Variants in SNRK observed in about 807,000 individuals in gnomAD.
SNRK encodes SNF-related serine/threonine-protein kinase.
SNRK carries 3 observed loss-of-function variants against 48.2 expected under a neutral mutation model. That is an observed-to-expected ratio of 0.06 (90% confidence interval 0.03 to 0.16). The LOEUF is 0.16. Among genes scored for constraint, SNRK ranks in the 10% least tolerant of loss-of-function variants. SNRK has a pLI of 1.00. For missense variants in SNRK, 627 were observed against 976.0 expected, an observed-to-expected ratio of 0.64 and a Z score of 4.76; for synonymous variants, 376 against 366.1, an observed-to-expected ratio of 1.03 and a Z score of -0.31.
chr3:43,336,650 C>T (rs2091191276), intron 4 of SNRK, among the ~76,000 whole-genome samples: 1 of 152,042 alleles, frequency 6.6e-6, no homozygotes, highest in Non-Finnish European at 1.5e-5. Flanking sequence ...TCTTTTTCCC[C>T]TCATTTGACT....
At chr3:43,342,224 A>C (rs560725830) in intron 5 of SNRK, among the ~76,000 whole-genome samples, 12 of 152,182 alleles carry the variant, frequency 7.9e-5, no homozygotes, top group African/African-American at 2.4e-4. Context: ...CCAGTTTGCC[A>C]GTTTGTTGGT....
At chr3:43,336,471 A>AT (rs1575557008) in intron 4 of SNRK, among the ~76,000 whole-genome samples, 2 of 152,080 alleles carry the variant, frequency 1.3e-5, no homozygotes, top group Admixed American at 6.5e-5. Context: ...AGCTAGGACT[A>AT]CAGGTGTGTG....
intron 3 of SNRK, among the ~76,000 whole-genome samples, chr3:43,322,253 G>T (rs2091059166): frequency 6.6e-6 from 1 of 152,212 alleles, no homozygotes; most frequent in Non-Finnish European, 1.5e-5. Flanking sequence ...GAGAAGAAAT[G>T]ATTGATTTCT....
At chr3:43,330,711 G>A (rs905113950) in intron 3 of SNRK, among the ~76,000 whole-genome samples, 37 of 152,276 alleles carry the variant, frequency 2.4e-4, no homozygotes, top group African/African-American at 8.4e-4. Context: ...GAATGGAGTG[G>A]ACTCCTGAGT....
At chr3:43,328,263 G>A (rs1179308276) in intron 3 of SNRK, among the ~76,000 whole-genome samples, 1 of 151,098 alleles carries the variant, frequency 6.6e-6, no homozygotes, top group Non-Finnish European at 1.5e-5. Context: ...TCAAGCTGAG[G>A]CTGTGGTCTA....
chr3:43,341,342 G>A (rs939368880), intron 5 of SNRK, among the ~76,000 whole-genome samples: 5 of 152,020 alleles, frequency 3.3e-5, no homozygotes, highest in African/African-American at 9.7e-5. Flanking sequence ...TAGTAGAGAC[G>A]GAGTTTCACT....
At chr3:43,286,834 G>T (rs1041109073) in intron 1 of SNRK, among the ~76,000 whole-genome samples, 159 bp downstream of exon 1, 1 of 146,042 alleles carries the variant, frequency 6.8e-6, no homozygotes, top group Admixed American at 6.8e-5. Flanking sequence ...GGCGCCGGCC[G>T]CAGCGCGCGG....
In SNRK at chr3:43,334,860, G is replaced by C. The variant is rs372031958; in HGVS notation, c.731+2550G>C. 2.7e-4 allele frequency among the ~76,000 whole-genome samples: 41 copies of C among 152,236 alleles called. 1 individual carries two copies. The South Asian group carries it at 7.3e-3, about 27-fold the overall frequency. On this transcript the variant is annotated intron_variant, in intron 4 of 6. Coordinates refer to ENST00000296088, the MANE Select transcript of SNRK (RefSeq NM_017719.5). ...GCCTGCCTCGGCCTCCCAAAGTGCTGGGATTACAGGCATGAGCCACCACGC... is the reference window on the plus strand; with the variant it reads ...GCCTGCCTCGGCCTCCCAAAGTGCTCGGATTACAGGCATGAGCCACCACGC...
At chr3:43,343,269 T>C (rs1469972081) in intron 5 of SNRK, 75 bp from the exon 6 acceptor site, 79 of 1,493,548 alleles carry the variant, frequency 5.3e-5, no homozygotes, top group Non-Finnish European at 6.7e-5. Flanking sequence ...GCTTGTACTT[T>C]TAAAAATCAA....
Position 43,347,396 on chromosome 3 carries a change from C to T in SNRK, c.1137C>T (p.Ala379=). The T allele has an allele frequency of 6.2e-7, 1 of 1,611,498 alleles. No individual in the cohort carries two copies. The highest frequency in any genetic ancestry group is 8.5e-7 in the Non-Finnish European group (1 of 1,178,692). ...VPQDLEDDLT[A]TPLSHATVPQ... is the part of the protein sequence containing the mutation. ...AGGACCTTGAGGATGACCTCACGGC[C>T]ACTCCTTTGTCCCACGCGACTGTCC... The change falls in exon 7 of 7, where the codon GCC becomes GCT. Residue 379 remains alanine, a synonymous_variant. Coordinates refer to ENST00000296088, the MANE Select transcript of SNRK (RefSeq NM_017719.5). This position sits in a 1 kb window ranked among gnomAD's most constrained non-coding sequence, Gnocchi z 5.4.
At chr3:43,287,700 C>A (rs546033161) in intron 1 of SNRK, among the ~76,000 whole-genome samples, 54 of 152,292 alleles carry the variant, frequency 3.5e-4, no homozygotes, top group Non-Finnish European at 5.9e-4. Context: ...CCACCAAGTT[C>A]CTATCAAACA....
chr3:43,338,770 T>TA (rs1275272592), intron 4 of SNRK, among the ~76,000 whole-genome samples: 5 of 152,206 alleles, frequency 3.3e-5, no homozygotes, highest in Non-Finnish European at 1.5e-5. Context: ...TGTTTTTAGT[T>TA]ACACTGATTA....
rs2091314927 is a variant in SNRK, at chr3:43,350,491, G to GT, written c.*1940dup. ...AACCCATATGTGTTTGGTTTCAATG[G>GT]TTTTTTATATTCAGATGTATATATG... On this transcript the variant is annotated 3_prime_UTR_variant, in exon 7 of 7. Coordinates refer to ENST00000296088, the MANE Select transcript of SNRK (RefSeq NM_017719.5). The GT allele has an allele frequency of 2.0e-5, 3 of 152,576 alleles. No individual in the cohort carries two copies. Among genetic ancestry groups the GT allele is most frequent in the Non-Finnish European group, 4.4e-5 (3 of 68,038 alleles). 9.5% of individuals were successfully genotyped at this position (152,576 alleles called of 1,614,324 possible).
At chr3:43,345,979 C>T (rs1023954427) in intron 6 of SNRK, among the ~76,000 whole-genome samples, 5 of 152,110 alleles carry the variant, frequency 3.3e-5, no homozygotes, top group Admixed American at 6.5e-5. Context: ...TGACTGTGTC[C>T]GGGGCCTGTC....
At chr3:43,314,240 A>G (rs1482491245) in intron 3 of SNRK, among the ~76,000 whole-genome samples, 1 of 152,224 alleles carries the variant, frequency 6.6e-6, no homozygotes, top group Non-Finnish European at 1.5e-5. Flanking sequence ...GAGGAAGGAT[A>G]TAGACATATC....
At position 43,349,566 on chromosome 3, in the gene SNRK, G is replaced by T. The variant is rs2091307142; in HGVS notation, c.*1009G>T. On this transcript the variant is annotated 3_prime_UTR_variant, in exon 7 of 7. Transcript: ENST00000296088. ...TCAGTTATATCCTTTGGCTCAGCTA[G>T]CTTTGAAATTGGCTGATGAAAAAAT... The T allele has an allele frequency of 6.6e-6, 1 of 152,198 alleles. No homozygotes were observed. Among genetic ancestry groups the T allele is most frequent in the Non-Finnish European group, 1.5e-5 (1 of 68,034 alleles). The allele number at this position is 152,198 out of a possible 1,614,324, so 9.4% of individuals were successfully genotyped here.
chr3:43,339,152 C>T (rs2091213363), intron 4 of SNRK, among the ~76,000 whole-genome samples: 1 of 152,158 alleles, frequency 6.6e-6, no homozygotes, highest in African/African-American at 2.4e-5. Context: ...GGAGTGCTTC[C>T]AGCTGAAAGC....
intron 6 of SNRK, among the ~76,000 whole-genome samples, 194 bp downstream of exon 6, chr3:43,343,672 G>A (rs201103276): frequency 1.8e-4 from 28 of 152,156 alleles, no homozygotes; most frequent in African/African-American, 5.3e-4. Flanking sequence ...CAGGGATGCC[G>A]TCCCCTTCTG....
At chr3:43,345,513 C>T (rs1168151957) in intron 6 of SNRK, among the ~76,000 whole-genome samples, 1 of 152,158 alleles carries the variant, frequency 6.6e-6, no homozygotes, top group Non-Finnish European at 1.5e-5. Flanking sequence ...GAGTGGTTAA[C>T]AGGAGACTGA....
Sources: allele counts gnomAD v4.1 joint callset (sites outside exome capture counted in the v4.1 genomes callset), GRCh38; gene constraint gnomAD v4.1.1; non-coding constraint Gnocchi (gnomAD v3.1); transcripts MANE v1.5; gene names NCBI Gene and HGNC (gene_info 2026-07-23, HGNC 2026-07-21).